The following PDE1A variants were observed in gnomAD, a reference collection of about 807,000 sequenced individuals.
PDE1A encodes the protein phosphodiesterase 1A, also known as dual specificity calcium/calmodulin-dependent 3',5'-cyclic nucleotide phosphodiesterase 1A.
Under a neutral mutation model 61.7 loss-of-function variants are expected in PDE1A, and 35 were observed. The observed-to-expected ratio is 0.57, with a 90% CI of 0.43 to 0.75. PDE1A has a LOEUF of 0.75. Ranked by LOEUF, PDE1A falls within the 30% of genes least tolerant of loss-of-function variation. The probability of loss-of-function intolerance (pLI) is 0.00; values close to 1 mark genes in which losing one functional copy is unlikely to be tolerated. For missense variants in PDE1A, 597 were observed against 630.6 expected (o/e 0.95, Z 0.57); for synonymous variants, 232 against 213.2 (o/e 1.09, Z -0.77).
the PDE1A span, among the ~76,000 whole-genome samples, chr2:182,687,234 C>T: frequency 6.6e-6 from 1 of 152,212 alleles, no homozygotes; most frequent in African/African-American, 2.4e-5. Context: ...CAGACTGCCT[C>T]CTCAAGTGGG....
chr2:182,673,410 GT>G, the PDE1A span, among the ~76,000 whole-genome samples: 1 of 152,088 alleles, frequency 6.6e-6, no homozygotes, highest in Non-Finnish European at 1.5e-5. Flanking sequence ...GCACAAAGAG[GT>G]AAGAAATATG....
At chr2:182,456,587 C>T (rs1014841253) in intron 2 of PDE1A, among the ~76,000 whole-genome samples, 3 of 151,962 alleles carry the variant, frequency 2.0e-5, no homozygotes, top group Admixed American at 2.0e-4. Flanking sequence ...AACAATTGAA[C>T]CAATCACCGT....
At chr2:182,203,330 A>G (rs968169594) in intron 8 of PDE1A, among the ~76,000 whole-genome samples, 3 of 151,956 alleles carry the variant, frequency 2.0e-5, no homozygotes, top group Non-Finnish European at 4.4e-5. Context: ...AAAAAAAAAC[A>G]AAACAAAACT....
chr2:182,231,071 G>A, exon 5 of PDE1A: 1 of 1,609,714 alleles, frequency 6.2e-7, no homozygotes, highest in East Asian at 2.2e-5. Context: ...ATAAACTTCA[G>A]ACTATGCTCT....
At position 182,174,113 on chromosome 2, in the gene PDE1A, GAGTCACTGCTCTGTAACT is replaced by G. The variant is rs570947217; in HGVS notation, c.1517-5841_1517-5824del. 4.2e-4 allele frequency among the ~76,000 whole-genome samples: 64 copies of G among 152,148 alleles called. 2 individuals are homozygous for G. In the South Asian group the frequency reaches 0.012, roughly 29 times the overall value. The stretch of plus-strand genomic sequence containing the variant: ...ACCACAGGGGAATGTAGGTCTTTGA[GAGTCACTGCTCTGTAACT>G]AGTTGGGGTGGGGTGCCAAGGCTAA... On this transcript the variant is annotated intron_variant, in intron 13 of 13. Coordinates refer to ENST00000351439, the Ensembl canonical transcript of PDE1A.
At chr2:182,406,642 T>A (rs1702313042) in intron 1 of PDE1A, among the ~76,000 whole-genome samples, 1 of 152,108 alleles carries the variant, frequency 6.6e-6, no homozygotes, top group South Asian at 2.1e-4. Flanking sequence ...AACATTCCTT[T>A]TTTATGTATA....
intron 10 of PDE1A, among the ~76,000 whole-genome samples, chr2:182,196,438 AT>A (rs1014854364): frequency 6.6e-5 from 10 of 151,744 alleles, no homozygotes; most frequent in African/African-American, 1.4e-4. Context: ...TCCCACAGTA[AT>A]TTTTTTAGGG....
chr2:182,614,954 AAT>A, the PDE1A span, among the ~76,000 whole-genome samples: 5 of 152,218 alleles, frequency 3.3e-5, 1 homozygote, highest in Non-Finnish European at 1.5e-5. Flanking sequence ...CATAAAGTAA[AAT>A]ATGTCCTGTA....
the PDE1A span, among the ~76,000 whole-genome samples, chr2:182,708,766 C>T: frequency 6.6e-6 from 1 of 152,188 alleles, no homozygotes; most frequent in Non-Finnish European, 1.5e-5. Context: ...AATCCAAATT[C>T]TACCGCTTAC....
At position 182,205,927 on chromosome 2, in the gene PDE1A, C is replaced by T. The variant is rs779567406; in HGVS notation, c.902+13G>A. 1.3e-5 allele frequency: 20 copies of T among 1,595,250 alleles called. No homozygotes were observed. In the Admixed American group the frequency reaches 3.3e-4, roughly 27 times the overall value. On this transcript the variant is annotated intron_variant, in intron 8 of 13. Coordinates refer to ENST00000351439, the Ensembl canonical transcript of PDE1A. ...TGAAATTAAATTTCCTCTAGGTTTT[C>T]TCTGAAACTCACCTCCAGTCATCTT...
At chr2:182,631,552 A>G in the PDE1A span, among the ~76,000 whole-genome samples, 2 of 152,184 alleles carry the variant, frequency 1.3e-5, no homozygotes, top group Non-Finnish European at 1.5e-5. Flanking sequence ...ACCCCCCAGA[A>G]ACAATGTTTC....
chr2:182,200,779 A>AGC (rs1212328636), intron 10 of PDE1A, among the ~76,000 whole-genome samples: 4 of 152,194 alleles, frequency 2.6e-5, no homozygotes, highest in Non-Finnish European at 4.4e-5. Flanking sequence ...TCTGAAGTAG[A>AGC]GCCAATCTTG....
the PDE1A span, among the ~76,000 whole-genome samples, chr2:182,556,145 G>A: frequency 6.6e-6 from 1 of 152,006 alleles, no homozygotes; most frequent in African/African-American, 2.4e-5. Context: ...CATAAGATCT[G>A]ACAAAAGAAA....
the PDE1A span, among the ~76,000 whole-genome samples, chr2:182,691,505 C>G: frequency 1.3e-5 from 2 of 152,178 alleles, no homozygotes; most frequent in African/African-American, 4.8e-5. Flanking sequence ...GGATCCCTTC[C>G]TTGCACCTTA....
chr2:182,404,259 T>A (rs919316980), intron 1 of PDE1A, among the ~76,000 whole-genome samples: 2 of 152,314 alleles, frequency 1.3e-5, no homozygotes, highest in African/African-American at 4.8e-5. Flanking sequence ...GAAATCACTA[T>A]AGGAAATGGA....
the PDE1A span, among the ~76,000 whole-genome samples, chr2:182,544,854 C>G: frequency 3.3e-5 from 5 of 151,936 alleles, no homozygotes; most frequent in Non-Finnish European, 7.4e-5. Context: ...CTTTATTTAT[C>G]TCCTTCTCAT....
chr2:182,575,222 A>G, the PDE1A span, among the ~76,000 whole-genome samples: 1 of 151,990 alleles, frequency 6.6e-6, no homozygotes, highest in African/African-American at 2.4e-5. Flanking sequence ...TTTCCCATTG[A>G]CCTTAATCAC....
chr2:182,672,329 C>T, the PDE1A span, among the ~76,000 whole-genome samples: 1 of 152,178 alleles, frequency 6.6e-6, no homozygotes, highest in Non-Finnish European at 1.5e-5. Context: ...AATAGTGTTA[C>T]TTTACCATTA....
chr2:182,672,938 G>A, the PDE1A span, among the ~76,000 whole-genome samples: 10 of 152,060 alleles, frequency 6.6e-5, no homozygotes, highest in African/African-American at 1.4e-4. Context: ...CACCATCCTC[G>A]TCATATTCTC....
Sources: allele counts gnomAD v4.1 joint callset (sites outside exome capture counted in the v4.1 genomes callset), GRCh38; gene constraint gnomAD v4.1.1; transcripts MANE v1.5; gene names NCBI Gene and HGNC (gene_info 2026-07-23, HGNC 2026-07-21).